Variants in USP34 observed in about 807,000 individuals in gnomAD.
The protein encoded by USP34 is ubiquitin specific peptidase 34, also known as ubiquitin carboxyl-terminal hydrolase 34.
A neutral mutation model predicts 460.3 loss-of-function variants in USP34; 70 were observed. The ratio of observed to expected loss-of-function variants is 0.15; its 90% confidence interval spans 0.13 to 0.19. The LOEUF is 0.19. Ranked by LOEUF, USP34 falls within the 10% of genes least tolerant of loss-of-function variation. USP34 has a pLI of 1.00. For synonymous variants in USP34, 1,647 were observed against 1,405.3 expected, an observed-to-expected ratio of 1.17 and a Z score of -3.85; for missense variants, 3,985 against 4,236.2, an observed-to-expected ratio of 0.94 and a Z score of 1.65.
chr2:61,341,319 A>C (rs556193223), intron 16 of USP34, among the ~76,000 whole-genome samples: 2 of 152,316 alleles, frequency 1.3e-5, no homozygotes, highest in African/African-American at 4.8e-5. Context: ...CCTAAGGCAA[A>C]AAAACTGCTG....
At chr2:61,345,285 A>C (rs1691733457) in intron 15 of USP34, among the ~76,000 whole-genome samples, 1 of 152,202 alleles carries the variant, frequency 6.6e-6, no homozygotes, top group Non-Finnish European at 1.5e-5. Context: ...AAAAAAAAAA[A>C]AAATTGTAAT....
intron 33 of USP34, among the ~76,000 whole-genome samples, 177 bp downstream of exon 33, chr2:61,293,287 C>T (rs1181055123): frequency 2.0e-5 from 3 of 152,018 alleles, no homozygotes; most frequent in Non-Finnish European, 4.4e-5. Context: ...ATACTGATAA[C>T]ATGAAAAACA....
chr2:61,421,343 G>T (rs1694350107), intron 1 of USP34, among the ~76,000 whole-genome samples: 2 of 152,160 alleles, frequency 1.3e-5, no homozygotes, highest in African/African-American at 4.8e-5. Context: ...TACCTTCCTT[G>T]AAGTCACAGC....
At position 61,222,935 on chromosome 2, in the gene USP34, G is replaced by A. The variant is rs191883201; in HGVS notation, c.7749+125C>T. The stretch of plus-strand genomic sequence containing the variant: ...TGGTCTCAAACTCCTAGGCTCAAGC[G>A]ATCCTCCCGCCTTGGCCTCCCAAAG... On this transcript the variant is annotated intron_variant, in intron 64 of 79. Transcript: ENST00000398571. The A allele has an allele frequency of 7.5e-4, 637 of 851,704 alleles. 1 individual carries two copies. The African/African-American group carries it at 9.3e-3, about 12-fold the overall frequency. 52.8% of individuals were successfully genotyped at this position (851,704 alleles called of 1,614,324 possible). A position where few individuals can be genotyped will look rare whatever the true frequency, so the allele number is the denominator to read the frequency against.
At chr2:61,451,460 G>A (rs573149541) in intron 1 of USP34, among the ~76,000 whole-genome samples, 26 of 151,620 alleles carry the variant, frequency 1.7e-4, no homozygotes, top group South Asian at 1.0e-3. Context: ...CAAGGTGGGC[G>A]GATCATCTGA....
chr2:61,448,851 A>G (rs1451394503), intron 1 of USP34, among the ~76,000 whole-genome samples: 3 of 152,216 alleles, frequency 2.0e-5, no homozygotes, highest in Non-Finnish European at 4.4e-5. Flanking sequence ...AATGTATTGA[A>G]TAACAAAAAG....
chr2:61,239,736 T>C (rs908505658), intron 53 of USP34, among the ~76,000 whole-genome samples: 1 of 152,074 alleles, frequency 6.6e-6, no homozygotes, highest in Non-Finnish European at 1.5e-5. Context: ...GTTAAAAGCA[T>C]TTGAGAACAA....
chr2:61,304,131 C>CA, intron 27 of USP34, among the ~76,000 whole-genome samples: 1 of 152,232 alleles, frequency 6.6e-6, no homozygotes, highest in South Asian at 2.1e-4. Flanking sequence ...CTCCTGACCG[C>CA]AAATGATCCG....
At chr2:61,226,479 A>G (rs2103820584) in intron 62 of USP34, among the ~76,000 whole-genome samples, 1 of 152,298 alleles carries the variant, frequency 6.6e-6, no homozygotes, top group Middle Eastern at 3.4e-3. Flanking sequence ...TCTCTCTGTC[A>G]TCATAGCATT....
intron 21 of USP34, among the ~76,000 whole-genome samples, 171 bp from the exon 22 acceptor site, chr2:61,319,498 G>T (rs1474581890): frequency 1.3e-5 from 2 of 151,014 alleles, no homozygotes; most frequent in African/African-American, 4.9e-5. Flanking sequence ...TATGTTAATT[G>T]ATATAAATAA....
chr2:61,276,641 T>C (rs1221197002), intron 41 of USP34, among the ~76,000 whole-genome samples: 2 of 152,162 alleles, frequency 1.3e-5, no homozygotes, highest in Admixed American at 6.5e-5. Flanking sequence ...GAAAAACCAA[T>C]TAATATATTT....
At chr2:61,449,352 G>A (rs1169534058) in intron 1 of USP34, among the ~76,000 whole-genome samples, 1 of 151,594 alleles carries the variant, frequency 6.6e-6, no homozygotes. Context: ...TGGATCAGGA[G>A]ACTTAATATT....
intron 62 of USP34, among the ~76,000 whole-genome samples, chr2:61,224,890 C>T (rs1220042240): frequency 1.3e-5 from 2 of 152,174 alleles, no homozygotes; most frequent in South Asian, 2.1e-4. Flanking sequence ...TAGTCTTAGA[C>T]TGCCTCCTTG....
intron 1 of USP34, among the ~76,000 whole-genome samples, chr2:61,433,741 G>A (rs1694740086): frequency 1.3e-5 from 2 of 152,250 alleles, no homozygotes; most frequent in South Asian, 2.1e-4. Flanking sequence ...CAAATTAGGA[G>A]CACAAGGAAT....
chr2:61,232,519 C>A lies in USP34; in HGVS notation c.7046G>T (p.Arg2349Leu). Residue 2349 changes from arginine (R) to leucine (L), a missense_variant, in exon 58 of 80, where the codon CGT becomes CTT. Around this residue, in one of 14 missense-constraint regions of USP34, gnomAD observed 604 missense variants for 684.8 expected, o/e 0.88. Coordinates refer to ENST00000398571, the MANE Select transcript of USP34 (RefSeq NM_014709.4). Reference protein sequence around the residue: ...SQAACEWFLDRMADDDWWPMQ... With the variant: ...SQAACEWFLDLMADDDWWPMQ... ...TGGCCACCAGTCGTCATCAGCCATA[C>A]GATCTAAAAACCACTGTTAAAAAAA... 6.2e-7 allele frequency: 1 copy of A among 1,607,014 alleles called. No individual in the cohort carries two copies. The highest frequency in any genetic ancestry group is 1.7e-4 in the Middle Eastern group (1 of 6,030).
chr2:61,440,519 T>C (rs975174459), intron 1 of USP34, among the ~76,000 whole-genome samples: 2 of 136,840 alleles, frequency 1.5e-5, no homozygotes, highest in African/African-American at 2.9e-5. Flanking sequence ...CCTTTTTAAA[T>C]TTTTTTTTTT....
chr2:61,349,702 G>A (rs1284338980), intron 12 of USP34, among the ~76,000 whole-genome samples: 10 of 152,012 alleles, frequency 6.6e-5, no homozygotes, highest in South Asian at 2.1e-4. Context: ...TTAGCTGGGC[G>A]TGGTGGCGGG....
chr2:61,241,492 C>G, intron 53 of USP34, 68 bp downstream of exon 53: 1 of 1,155,316 alleles, frequency 8.7e-7, no homozygotes, highest in South Asian at 1.5e-5. Context: ...TGTTCTTACA[C>G]TACAGTATTC....
intron 27 of USP34, among the ~76,000 whole-genome samples, chr2:61,306,159 G>A (rs1365435420): frequency 6.6e-6 from 1 of 152,156 alleles, no homozygotes; most frequent in Admixed American, 6.5e-5. Context: ...CCATGCCTAT[G>A]TCCTGAATGG....
Sources: allele counts gnomAD v4.1 joint callset (sites outside exome capture counted in the v4.1 genomes callset), GRCh38; gene constraint gnomAD v4.1.1; regional missense constraint gnomAD v4.1.1; transcripts MANE v1.5; gene names NCBI Gene and HGNC (gene_info 2026-07-23, HGNC 2026-07-21).